Variants in MKLN1 observed in about 807,000 individuals in gnomAD.
The protein encoded by MKLN1 is muskelin.
A neutral mutation model predicts 99.0 loss-of-function variants in MKLN1; 18 were observed. That is an observed-to-expected ratio of 0.18 (90% CI 0.13 to 0.27). The LOEUF is 0.27. MKLN1 is among the 10% of genes least tolerant of loss of function. MKLN1 has a pLI of 1.00. For missense variants in MKLN1, 621 were observed against 875.9 expected (o/e 0.71, Z 3.67); for synonymous variants, 288 against 293.2 (o/e 0.98, Z 0.18).
At chr7:131,191,437 T>A (rs1377332423) in intron 2 of MKLN1, among the ~76,000 whole-genome samples, 1 of 152,140 alleles carries the variant, frequency 6.6e-6, no homozygotes, top group Non-Finnish European at 1.5e-5. Flanking sequence ...ATGAACCAGC[T>A]CCAAATATTG....
chr7:131,241,435 G>T (rs369012928), intron 3 of MKLN1, among the ~76,000 whole-genome samples: 2 of 150,698 alleles, frequency 1.3e-5, no homozygotes, highest in Non-Finnish European at 2.9e-5. Context: ...GCCCAGGGGC[G>T]GTGGCTCACG....
chr7:131,141,379 A>C (rs1795730272), intron 1 of MKLN1, among the ~76,000 whole-genome samples: 1 of 152,186 alleles, frequency 6.6e-6, no homozygotes, highest in Non-Finnish European at 1.5e-5. Context: ...GATATCCACT[A>C]TCCACCAAGT....
At chr7:131,242,136 T>A (rs1416495886) in intron 3 of MKLN1, among the ~76,000 whole-genome samples, 1 of 152,246 alleles carries the variant, frequency 6.6e-6, no homozygotes, top group Non-Finnish European at 1.5e-5. Context: ...GAAAATTAGC[T>A]GGCCAAGGCT....
At chr7:131,436,695 G>A (rs1299612161) in intron 9 of MKLN1, among the ~76,000 whole-genome samples, 1 of 152,140 alleles carries the variant, frequency 6.6e-6, no homozygotes, top group Non-Finnish European at 1.5e-5. Context: ...ACAAACATTA[G>A]TTTCCTTTCC....
chr7:131,446,954 G>A (rs1367798327), intron 12 of MKLN1, among the ~76,000 whole-genome samples: 1 of 152,108 alleles, frequency 6.6e-6, no homozygotes, highest in African/African-American at 2.4e-5. Flanking sequence ...GATATGTTAA[G>A]CATTTGGAAG....
At chr7:131,146,767 A>G (rs535026183) in intron 2 of MKLN1, among the ~76,000 whole-genome samples, 22 of 152,356 alleles carry the variant, frequency 1.4e-4, no homozygotes, top group Admixed American at 4.6e-4. Flanking sequence ...GGCCTTGAGA[A>G]TTCCTGTGCA....
chr7:131,177,995 C>T (rs953169212), intron 2 of MKLN1, among the ~76,000 whole-genome samples: 1 of 152,216 alleles, frequency 6.6e-6, no homozygotes, highest in African/African-American at 2.4e-5. Context: ...TGCAAGATGG[C>T]TCCTGCAGCT....
chr7:131,451,774 C>A (rs918031797), intron 12 of MKLN1, among the ~76,000 whole-genome samples: 1 of 152,148 alleles, frequency 6.6e-6, no homozygotes, highest in Non-Finnish European at 1.5e-5. Flanking sequence ...AGACTGTGAA[C>A]ACAAGGGGTT....
At chr7:131,284,709 G>A (rs1798106871) in intron 3 of MKLN1, among the ~76,000 whole-genome samples, 1 of 152,206 alleles carries the variant, frequency 6.6e-6, no homozygotes, top group African/African-American at 2.4e-5. Context: ...CTGGGTATCA[G>A]CTGTCAGGGC....
intron 3 of MKLN1, among the ~76,000 whole-genome samples, chr7:131,227,852 C>A (rs1797180614): frequency 6.6e-6 from 1 of 151,270 alleles, no homozygotes; most frequent in Non-Finnish European, 1.5e-5. Flanking sequence ...AGGCTTGAGC[C>A]ACCGCGCCCG....
At chr7:131,395,870 T>C (rs1794344708) in intron 4 of MKLN1, among the ~76,000 whole-genome samples, 1 of 151,956 alleles carries the variant, frequency 6.6e-6, no homozygotes, top group South Asian at 2.1e-4. Context: ...TTCTTTCATT[T>C]ATTCAATTAT....
At chr7:131,118,475 C>G (rs1182414597) in intron 1 of MKLN1, among the ~76,000 whole-genome samples, 1 of 151,704 alleles carries the variant, frequency 6.6e-6, no homozygotes, top group African/African-American at 2.4e-5. Context: ...ATCGCTTGAA[C>G]CTGGGAGGCG....
chr7:131,197,846 T>C (rs1443785831), intron 2 of MKLN1, among the ~76,000 whole-genome samples: 1 of 151,226 alleles, frequency 6.6e-6, no homozygotes, highest in Non-Finnish European at 1.5e-5. Flanking sequence ...ATCAGCATGT[T>C]TTTTTTTTAA....
intron 1 of MKLN1, among the ~76,000 whole-genome samples, chr7:131,373,521 T>C (rs1209788563): frequency 3.3e-5 from 5 of 152,150 alleles, no homozygotes. Context: ...TTTAAAAAAA[T>C]TCATTAATCT....
chr7:131,363,509 G>T (rs1363623039), intron 1 of MKLN1, among the ~76,000 whole-genome samples: 1 of 151,998 alleles, frequency 6.6e-6, no homozygotes, highest in African/African-American at 2.4e-5. Context: ...TCCTCTTAGA[G>T]TGTAGAATCT....
At chr7:131,123,816 T>A (rs1428346622) in intron 1 of MKLN1, among the ~76,000 whole-genome samples, 1 of 151,750 alleles carries the variant, frequency 6.6e-6, no homozygotes, top group Non-Finnish European at 1.5e-5. Context: ...ACTTCTTACA[T>A]AGTACAGTAC....
intron 1 of MKLN1, among the ~76,000 whole-genome samples, chr7:131,126,509 T>C (rs566395834): frequency 6.6e-6 from 1 of 152,294 alleles, no homozygotes; most frequent in African/African-American, 2.4e-5. Context: ...CGGTGTTTTT[T>C]GGGAGGGCTC....
intron 3 of MKLN1, among the ~76,000 whole-genome samples, chr7:131,293,283 T>C (rs1584895874): frequency 2.0e-5 from 3 of 152,130 alleles, no homozygotes; most frequent in Admixed American, 6.5e-5. Context: ...AATGAATCAG[T>C]CCAGCCAAAA....
chr7:131,376,343 A>T (rs1480794382), intron 2 of MKLN1, among the ~76,000 whole-genome samples: 4 of 49,424 alleles, frequency 8.1e-5, no homozygotes, highest in Admixed American at 2.4e-4. Flanking sequence ...GATCTATGTT[A>T]AAAAAAAAAA....
Sources: allele counts gnomAD v4.1 joint callset (sites outside exome capture counted in the v4.1 genomes callset), GRCh38; gene constraint gnomAD v4.1.1; transcripts MANE v1.5; gene names NCBI Gene and HGNC (gene_info 2026-07-23, HGNC 2026-07-21).